Variants in DNAJC13 observed in about 807,000 individuals in gnomAD.
DNAJC13 encodes DnaJ heat shock protein family (Hsp40) member C13.
DNAJC13 carries 75 observed loss-of-function variants against 290.5 expected under a neutral mutation model. The observed-to-expected ratio is 0.26, with a 90% CI of 0.21 to 0.31. DNAJC13 has a LOEUF of 0.31. Ranked by LOEUF, DNAJC13 falls within the 10% of genes least tolerant of loss-of-function variation. The probability of loss-of-function intolerance (pLI) is 1.00; values close to 1 mark genes in which losing one functional copy is unlikely to be tolerated. For missense variants in DNAJC13, 2,260 were observed against 2,674.5 expected (o/e 0.85, Z 3.42); for synonymous variants, 862 against 892.0 (o/e 0.97, Z 0.60).
chr3:132,500,919 G>A lies in DNAJC13; in HGVS notation c.4536+6G>A. On this transcript the variant is annotated splice_donor_region_variant and intron_variant, in intron 39 of 55. Transcript: ENST00000260818. Reference sequence around the variant, plus strand: ...GGGTACTATATTTTGGCAAGGTAGGGTTAATCTTTAATGCTTTCTAGATAC... The same window carrying A: ...GGGTACTATATTTTGGCAAGGTAGGATTAATCTTTAATGCTTTCTAGATAC... The A allele has an allele frequency of 6.2e-7, 1 of 1,613,524 alleles. No homozygotes were observed. The highest frequency in any genetic ancestry group is 1.1e-5 in the South Asian group (1 of 91,024).
chr3:132,446,642 C>A (rs975730218), intron 3 of DNAJC13, 92 bp downstream of exon 3: 32 of 762,320 alleles, frequency 4.2e-5, no homozygotes, highest in Non-Finnish European at 6.4e-5. Flanking sequence ...TAAATCAGTA[C>A]TTGAAGATAG....
At chr3:132,454,501 T>C (rs924429830) in intron 9 of DNAJC13, among the ~76,000 whole-genome samples, 15 of 151,818 alleles carry the variant, frequency 9.9e-5, no homozygotes, top group South Asian at 2.1e-4. Context: ...TTTTTCTTTT[T>C]TTCTTTTTTT....
chr3:132,528,401 C>A lies in DNAJC13; in HGVS notation c.6525+69C>A, dbSNP rs1369622333. On this transcript the variant is annotated intron_variant, in intron 54 of 55. Coordinates refer to ENST00000260818, the MANE Select transcript of DNAJC13 (RefSeq NM_015268.4). ...GTCTTGGCCATGGATGGTCCACGTA[C>A]CTGTGTTCAAGTTCCACTTACAGAT... 5 of 1,560,580 alleles carry A rather than the reference C, an allele frequency of 3.2e-6. No individual in the cohort carries two copies. In the African/African-American group the frequency reaches 5.5e-5, roughly 17 times the overall value.
At chr3:132,477,639 A>G (rs1356804484) in intron 22 of DNAJC13, 150 bp from the exon 23 acceptor site, 1 of 580,458 alleles carries the variant, frequency 1.7e-6, no homozygotes, top group Admixed American at 3.4e-5. Flanking sequence ...AATTCTCAGC[A>G]TTTAGCTAAA....
chr3:132,511,069 T>G lies in DNAJC13; in HGVS notation c.5118T>G (p.Val1706=), dbSNP rs772823321. The stretch of plus-strand genomic sequence containing the variant: ...AAATACTTGTCTGCATTGATTAGGT[T>G]CCAAAAGCATTTGCTGCAAGTCTCT... The part of the protein sequence containing the change: ...YNEVPTFQLE[V]PKAFAASLLD... The change falls in exon 44 of 56, where the codon GTT becomes GTG. Residue 1706 remains valine, a splice_region_variant and synonymous_variant. Coordinates refer to ENST00000260818, the MANE Select transcript of DNAJC13 (RefSeq NM_015268.4). The G allele has an allele frequency of 2.5e-6, 4 of 1,613,638 alleles. 1 individual carries two copies. The Admixed American group carries it at 6.7e-5, about 27-fold the overall frequency.
At chr3:132,441,634 A>T (rs1933073485) in intron 2 of DNAJC13, among the ~76,000 whole-genome samples, 1 of 152,212 alleles carries the variant, frequency 6.6e-6, no homozygotes, top group South Asian at 2.1e-4. Flanking sequence ...TTCTCAGTTT[A>T]CAAAAATGTT....
chr3:132,520,800 A>C (rs1936066396), intron 48 of DNAJC13, among the ~76,000 whole-genome samples: 1 of 152,190 alleles, frequency 6.6e-6, no homozygotes, highest in Non-Finnish European at 1.5e-5. Flanking sequence ...AATTCACCCA[A>C]CTGGTCAATA....
At chr3:132,452,232 G>A (rs1029054645) in intron 6 of DNAJC13, among the ~76,000 whole-genome samples, 2 of 152,170 alleles carry the variant, frequency 1.3e-5, no homozygotes, top group Non-Finnish European at 2.9e-5. Context: ...CCAACATTTT[G>A]TATTACTTGG....
chr3:132,490,124 T>C (rs1454879429), intron 31 of DNAJC13, among the ~76,000 whole-genome samples: 3 of 152,242 alleles, frequency 2.0e-5, no homozygotes, highest in Admixed American at 2.0e-4. Context: ...GTTACTCTTA[T>C]TAGCAGAAAG....
In DNAJC13 at chr3:132,479,340, G is replaced by A. The variant is rs1023171716; in HGVS notation, c.2772+51G>A. Reference sequence around the variant, plus strand: ...TGTTATTTCCAAGTCATATAAGTATGTAAGATAAACTCACAGTTTGAGTTG... The same window carrying A: ...TGTTATTTCCAAGTCATATAAGTATATAAGATAAACTCACAGTTTGAGTTG... On this transcript the variant is annotated intron_variant, in intron 25 of 55. Transcript: ENST00000260818. The A allele has an allele frequency of 2.4e-6, 3 of 1,270,208 alleles. No individual in the cohort carries two copies. The African/African-American group carries it at 4.4e-5, about 19-fold the overall frequency. The allele number at this position is 1,270,208 out of a possible 1,614,324, so 78.7% of individuals were successfully genotyped here.
At position 132,446,395 on chromosome 3, in the gene DNAJC13, TTTG is replaced by T. The variant is rs1392172395; in HGVS notation, c.69-77_69-75del. On this transcript the variant is annotated intron_variant, in intron 2 of 55. Transcript: ENST00000260818. ...TAACACATTTCTATGTATTGAACTG[TTTG>T]TTTTGTGTTATATATATTTTCTTAT... 4.1e-6 allele frequency: 4 copies of T among 974,702 alleles called. No homozygotes were observed. The East Asian group carries it at 1.1e-4, about 26-fold the overall frequency. 60.4% of individuals were successfully genotyped at this position (974,702 alleles called of 1,614,324 possible).
intron 35 of DNAJC13, among the ~76,000 whole-genome samples, chr3:132,495,866 A>G (rs944666941): frequency 2.6e-5 from 4 of 152,164 alleles, no homozygotes; most frequent in African/African-American, 7.2e-5. Flanking sequence ...TACTAATTCA[A>G]ATTCATCTAG....
rs1247369347 is a variant in DNAJC13 at position 132,484,662 on chromosome 3, A to G, written c.3257A>G (p.His1086Arg). Residue 1086 changes from histidine (H) to arginine (R), a missense_variant, in exon 29 of 56, where the codon CAT becomes CGT. By Grantham distance (29) the His-to-Arg change is conservative. Around this residue, in one of 3 missense-constraint regions of DNAJC13, gnomAD observed 1,494 missense variants for 1,693.7 expected, o/e 0.88. Transcript: ENST00000260818. The stretch of plus-strand genomic sequence containing the variant: ...CTGTCAGATAGCACTTGCCTTCCCC[A>G]TATTATTCAGGTGAGTTATGTAATC... ...RLLSDSTCLP[H>R]IIQLLLTFDP... is the part of the protein sequence containing the mutation. 5.0e-6 allele frequency: 8 copies of G among 1,613,744 alleles called. No homozygotes were observed. Among genetic ancestry groups the G allele is most frequent in the Non-Finnish European group, 6.8e-6 (8 of 1,179,646 alleles).
rs2107686944 is a variant in DNAJC13 at position 132,473,160 on chromosome 3, C to T, written c.2224C>T (p.Pro742Ser). Reference protein sequence around the residue: ...IAQKENINQKPVVLRKRRQRI... With the variant: ...IAQKENINQKSVVLRKRRQRI... ...TCTGTTCCAGAATATAAATCAGAAG[C>T]CAGTGGTTCTTCGAAAGAGAAGACA... Residue 742 changes from proline to serine, a missense_variant, in exon 21 of 56, where the codon CCA becomes TCA. Transcript: ENST00000260818. The T allele has an allele frequency of 6.2e-6, 10 of 1,610,568 alleles. No individual in the cohort carries two copies. Among genetic ancestry groups the T allele is most frequent in the Non-Finnish European group, 8.5e-6 (10 of 1,178,608 alleles).
At chr3:132,536,601 G>A (rs1040099909) in intron 55 of DNAJC13, among the ~76,000 whole-genome samples, 3 of 152,178 alleles carry the variant, frequency 2.0e-5, no homozygotes, top group Non-Finnish European at 4.4e-5. Context: ...GAGTGTTTGA[G>A]GTCTTACTGT....
At chr3:132,438,342 TA>T (rs995748770) in intron 2 of DNAJC13, among the ~76,000 whole-genome samples, 11 of 152,354 alleles carry the variant, frequency 7.2e-5, no homozygotes, top group African/African-American at 2.2e-4. Flanking sequence ...TTATTATACT[TA>T]CCTATTTTAT....
At chr3:132,486,663 G>A (rs1934888957) in intron 29 of DNAJC13, among the ~76,000 whole-genome samples, 1 of 151,778 alleles carries the variant, frequency 6.6e-6, no homozygotes, top group Non-Finnish European at 1.5e-5. Flanking sequence ...TTCTATTCTG[G>A]GAGACCTGAA....
intron 46 of DNAJC13, chr3:132,514,905 G>GATAC: frequency 8.1e-6 from 1 of 123,172 alleles, no homozygotes; most frequent in Non-Finnish European, 1.5e-5. Context: ...AAAATAACCT[G>GATAC]GGATTTTCAG....
At chr3:132,450,496 A>G in intron 5 of DNAJC13, 151 bp from the exon 6 acceptor site, 1 of 556,528 alleles carries the variant, frequency 1.8e-6, no homozygotes. Flanking sequence ...AGTTAAAATT[A>G]ATCATAGTTT....
Sources: gnomAD v4.1 joint callset for allele counts (sites outside exome capture counted in the v4.1 genomes callset) on GRCh38, gnomAD v4.1.1 for gene constraint, gnomAD v4.1.1 regional missense constraint, MANE v1.5 for transcripts, NCBI Gene and HGNC (gene_info 2026-07-23, HGNC 2026-07-21) for gene names.